SIRT3: variants seen among roughly 807,000 people sequenced by gnomAD.
The protein encoded by SIRT3 is sirtuin 3, also known as NAD-dependent protein deacetylase sirtuin-3, mitochondrial.
A neutral mutation model predicts 33.5 loss-of-function variants in SIRT3; 26 were observed. That is an observed-to-expected ratio of 0.78 (90% confidence interval 0.57 to 1.08). The LOEUF (loss-of-function observed/expected upper bound fraction) is 1.08, where lower values mean the gene tolerates loss of function less well. SIRT3 is among the 50% of genes least tolerant of loss of function. The probability of loss-of-function intolerance (pLI) is 0.00; values close to 1 mark genes in which losing one functional copy is unlikely to be tolerated. For missense variants in SIRT3, 585 were observed against 530.1 expected (o/e 1.10, Z -1.02); for synonymous variants, 237 against 222.1 (o/e 1.07, Z -0.60).
At chr11:224,983 C>T (rs191760719) in intron 4 of SIRT3, among the ~76,000 whole-genome samples, 7 of 150,628 alleles carry the variant, frequency 4.6e-5, no homozygotes, top group African/African-American at 1.5e-4. Context: ...AAGAGACCCA[C>T]GAAAGATTTC....
In SIRT3 at chr11:233,452, T is replaced by C. The variant is rs1253681099; in HGVS notation, c.364A>G (p.Lys122Glu). 1.9e-6 allele frequency: 3 copies of C among 1,613,852 alleles called. No homozygotes were observed. In the East Asian group the frequency reaches 6.7e-5, roughly 36 times the overall value. ...TCAGCTACATCCTGCAGGGAAAGCTTCCCCTTGTCACTGCTGCCTCCACTT... is the reference window on the plus strand; with the variant it reads ...TCAGCTACATCCTGCAGGGAAAGCTCCCCCTTGTCACTGCTGCCTCCACTT... ...VGSGGSSDKGKLSLQDVAELI... is the reference protein window; with the variant it reads ...VGSGGSSDKGELSLQDVAELI... Residue 122 changes from lysine to glutamate, a missense_variant, in exon 2 of 7, where the codon AAG becomes GAG. Lys to Glu is a moderately conservative substitution (Grantham distance 56). Transcript: ENST00000382743.
chr11:227,927 T>A (rs1432707496), intron 4 of SIRT3, among the ~76,000 whole-genome samples: 2 of 152,158 alleles, frequency 1.3e-5, no homozygotes, highest in Non-Finnish European at 2.9e-5. Context: ...CAGTCCCAAA[T>A]AATCTCTTTT....
intron 1 of SIRT3, 102 bp downstream of exon 1, chr11:235,946 A>G (rs1210629769): frequency 7.6e-7 from 1 of 1,316,260 alleles, no homozygotes; most frequent in Non-Finnish European, 1.0e-6. Flanking sequence ...GAACGCACGT[A>G]AACTCCCAGA....
intron 4 of SIRT3, among the ~76,000 whole-genome samples, chr11:227,812 G>A (rs1399686063): frequency 6.6e-6 from 1 of 151,996 alleles, no homozygotes; most frequent in African/African-American, 2.4e-5. Flanking sequence ...TAGTAGAGAT[G>A]GGATTTCACC....
upstream of SIRT3, chr11:236,617 T>C (rs1859206798): frequency 4.9e-6 from 1 of 205,326 alleles, no homozygotes; most frequent in South Asian, 5.3e-5. Context: ...CGCTCACACC[T>C]TTTTCAACCC....
At chr11:220,185 C>T (rs1856235678) in intron 5 of SIRT3, among the ~76,000 whole-genome samples, 1 of 151,910 alleles carries the variant, frequency 6.6e-6, no homozygotes, top group Admixed American at 6.6e-5. Context: ...CAAAACTTAG[C>T]TGGGCGTGGT....
In SIRT3 at chr11:236,198, TC is replaced by T; in HGVS notation, c.130del (p.Asp44ThrfsTer3). The T allele has an allele frequency of 6.4e-7, 1 of 1,559,674 alleles. No homozygotes were observed. The highest frequency in any genetic ancestry group is 8.7e-7 in the Non-Finnish European group (1 of 1,156,018). ...GCCTCTCAGCCCCGCACTCACATCG[TC>T]CCTGCCGCCAAGCACCAGCCGACAG... Reference protein sequence around the residue: ...CGCRLVLGGRDDVSAGLRGSH... With the variant: ...CGCRLVLGGRXDVSAGLRGSH... On this transcript the variant is annotated frameshift_variant, in exon 1 of 7. Coordinates refer to ENST00000382743, the MANE Select transcript of SIRT3 (RefSeq NM_012239.6). LOFTEE classifies it high-confidence loss of function.
At chr11:219,726 T>G (rs1422730330) in intron 5 of SIRT3, among the ~76,000 whole-genome samples, 1 of 152,174 alleles carries the variant, frequency 6.6e-6, no homozygotes, top group Non-Finnish European at 1.5e-5. Flanking sequence ...GATTAAAGGT[T>G]TCAATGTAAA....
At chr11:233,273 A>G in intron 2 of SIRT3, 58 bp from the exon 3 acceptor site, 3 of 1,601,680 alleles carry the variant, frequency 1.9e-6, no homozygotes, top group Non-Finnish European at 2.6e-6. Flanking sequence ...AAGTGGAATA[A>G]ACTGGGCAGT....
At chr11:226,830 C>G (rs1734487) in intron 4 of SIRT3, among the ~76,000 whole-genome samples, 1 of 149,566 alleles carries the variant, frequency 6.7e-6, no homozygotes. Flanking sequence ...CTCAGCTCAC[C>G]GCAACCTCCG....
chr11:220,200 C>T (rs529632074), intron 5 of SIRT3, among the ~76,000 whole-genome samples: 59 of 151,818 alleles, frequency 3.9e-4, no homozygotes, highest in African/African-American at 1.2e-3. Flanking sequence ...CGTGGTGGCA[C>T]GCACCTATAA....
At position 236,285 on chromosome 11, in the gene SIRT3, C is replaced by A; in HGVS notation, c.44G>T (p.Trp15Leu). The change falls in exon 1 of 7, where the codon TGG becomes TTG. Residue 15 changes from tryptophan to leucine, a missense_variant. Transcript: ENST00000382743. The part of the protein sequence containing the change: ...GWRAAAALRL[W>L]GRVVERVEAG... ...CTCGACCCGTTCAACTACCCGGCCC[C>A]ACAGCCGGAGGGCTGCCGCGGCGCG... 2 of 1,536,822 alleles carry A rather than the reference C, an allele frequency of 1.3e-6. No homozygotes were observed. Among genetic ancestry groups the A allele is most frequent in the Non-Finnish European group, 8.7e-7 (1 of 1,147,792 alleles).
Position 216,419 on chromosome 11 carries a change from T to C in SIRT3, c.*279A>G. On this transcript the variant is annotated 3_prime_UTR_variant, in exon 7 of 7. Coordinates refer to ENST00000382743, the MANE Select transcript of SIRT3 (RefSeq NM_012239.6). Reference sequence around the variant, plus strand: ...GAGGGTCACAGTCAGAAGAAAGCTTTTTCCATTAGGAGCTTCAGCAGAGTG... The same window carrying C: ...GAGGGTCACAGTCAGAAGAAAGCTTCTTCCATTAGGAGCTTCAGCAGAGTG... 2 of 446,564 alleles carry C rather than the reference T, an allele frequency of 4.5e-6. No individual in the cohort carries two copies. Among genetic ancestry groups the C allele is most frequent in the South Asian group, 7.7e-5 (2 of 26,106 alleles). The allele number at this position is 446,564 out of a possible 1,614,324, so 27.7% of individuals were successfully genotyped here.
chr11:224,596 T>G (rs1337803420), intron 4 of SIRT3, among the ~76,000 whole-genome samples: 1 of 152,180 alleles, frequency 6.6e-6, no homozygotes, highest in Non-Finnish European at 1.5e-5. Context: ...ACACCAGTCC[T>G]CAAACAGTAG....
intron 6 of SIRT3, among the ~76,000 whole-genome samples, chr11:217,377 G>A (rs1855802550): frequency 6.6e-6 from 1 of 152,244 alleles, no homozygotes; most frequent in Admixed American, 6.5e-5. Flanking sequence ...TTGAACCCAG[G>A]AGGCAGGGCT....
chr11:218,837 C>A lies in SIRT3; in HGVS notation c.1174G>T (p.Gly392Trp). 6.2e-7 allele frequency: 1 copy of A among 1,614,182 alleles called. No homozygotes were observed. The highest frequency in any genetic ancestry group is 8.5e-7 in the Non-Finnish European group (1 of 1,180,030). ...EMRDLVQRET[G>W]KLDGPDK ...TCCTCCTCAGCAGTCTGTACCTTCC[C>A]AGTTTCCCGCTGCACAAGGTCCCGC... Residue 392 changes from glycine (G) to tryptophan (W), a missense_variant, in exon 6 of 7, where the codon GGG becomes TGG. Transcript: ENST00000382743.
intron 4 of SIRT3, among the ~76,000 whole-genome samples, chr11:226,301 A>C (rs1590161405): frequency 6.6e-6 from 1 of 151,430 alleles, no homozygotes; most frequent in African/African-American, 2.4e-5. Context: ...GGCGCGTCTG[A>C]CCTCCTCTCC....
In SIRT3 at chr11:224,098, TG is replaced by T. The variant is rs1856827587; in HGVS notation, c.948del (p.Ile317SerfsTer14). On this transcript the variant is annotated frameshift_variant, in exon 5 of 7. Coordinates refer to ENST00000382743, the MANE Select transcript of SIRT3 (RefSeq NM_012239.6). LOFTEE classifies it high-confidence loss of function. ...CAAACCTCCAGGGAGGTCCCAAGGA[TG>T]AGCAGCAGATCTGCCATGGGGAAAT... ...VVDFPMADLLLILGTSLEVEP... is the reference protein window; with the variant it reads ...VVDFPMADLLXILGTSLEVEP... 12 of 1,614,106 alleles carry T rather than the reference TG, an allele frequency of 7.4e-6. No individual in the cohort carries two copies. Among genetic ancestry groups the T allele is most frequent in the Non-Finnish European group, 1.0e-5 (12 of 1,180,032 alleles).
At chr11:219,185 C>A (rs1448459745) in intron 5 of SIRT3, 144 bp from the exon 6 acceptor site, 6 of 1,072,690 alleles carry the variant, frequency 5.6e-6, no homozygotes, top group Non-Finnish European at 7.9e-6. Flanking sequence ...CCACCAATCT[C>A]ATTTCTTCAG....
Sources: gnomAD v4.1 joint callset for allele counts (sites outside exome capture counted in the v4.1 genomes callset) on GRCh38, gnomAD v4.1.1 for gene constraint, MANE v1.5 for transcripts, NCBI Gene and HGNC (gene_info 2026-07-23, HGNC 2026-07-21) for gene names.